The following ELMO1 variants were observed in gnomAD, a reference collection of about 807,000 sequenced individuals.
ELMO1 encodes the protein engulfment and cell motility 1.
A neutral mutation model predicts 98.9 loss-of-function variants in ELMO1; 26 were observed. That is an observed-to-expected ratio of 0.26 (90% CI 0.19 to 0.36). The LOEUF is 0.36. Ranked by LOEUF, ELMO1 falls within the 10% of genes least tolerant of loss-of-function variation. ELMO1 has a pLI of 1.00. For synonymous variants in ELMO1, 346 were observed against 346.0 expected, an observed-to-expected ratio of 1.00 and a Z score of 0.00; for missense variants, 627 against 935.2, an observed-to-expected ratio of 0.67 and a Z score of 4.30.
At chr7:37,082,706 G>A (rs527954214) in intron 15 of ELMO1, among the ~76,000 whole-genome samples, 4 of 150,980 alleles carry the variant, frequency 2.6e-5, no homozygotes, top group African/African-American at 4.9e-5. Context: ...ACTCCAGCCC[G>A]GGTGACCCTG....
chr7:36,881,146 G>C (rs1046708500), intron 18 of ELMO1, among the ~76,000 whole-genome samples: 1 of 152,290 alleles, frequency 6.6e-6, no homozygotes, highest in African/African-American at 2.4e-5. Context: ...TGGAAAAAGG[G>C]GCTGAAAACG....
intron 14 of ELMO1, among the ~76,000 whole-genome samples, chr7:37,107,168 A>G (rs1327866570): frequency 2.0e-5 from 3 of 152,212 alleles, no homozygotes; most frequent in Admixed American, 6.5e-5. Context: ...ACAAAAGTCC[A>G]TTTTGAGGGT....
At chr7:37,307,059 A>G (rs1262651196) in intron 4 of ELMO1, among the ~76,000 whole-genome samples, 3 of 152,208 alleles carry the variant, frequency 2.0e-5, no homozygotes, top group Non-Finnish European at 4.4e-5. Context: ...CTGTACCTTA[A>G]TTATCTTTCT....
intron 1 of ELMO1, among the ~76,000 whole-genome samples, chr7:37,355,222 A>C (rs1190654627): frequency 6.6e-6 from 1 of 152,196 alleles, no homozygotes; most frequent in African/African-American, 2.4e-5. Flanking sequence ...ATTACACAAC[A>C]TGTGACCCTC....
chr7:37,169,656 T>C (rs928610424), intron 13 of ELMO1, among the ~76,000 whole-genome samples: 2 of 152,240 alleles, frequency 1.3e-5, no homozygotes, highest in Non-Finnish European at 2.9e-5. Context: ...TTTTTCTTTT[T>C]ACATTTTCAC....
intron 4 of ELMO1, among the ~76,000 whole-genome samples, chr7:37,274,029 A>G (rs1796702913): frequency 6.6e-6 from 1 of 152,168 alleles, no homozygotes; most frequent in South Asian, 2.1e-4. Flanking sequence ...TCCAGGCCCT[A>G]TGTGTGCAAT....
intron 8 of ELMO1, among the ~76,000 whole-genome samples, chr7:37,227,221 A>G (rs572049688): frequency 6.6e-6 from 1 of 152,102 alleles, no homozygotes; most frequent in Non-Finnish European, 1.5e-5. Flanking sequence ...GGTCTAACTC[A>G]TTGCTGGGTT....
chr7:37,322,391 G>A (rs1162483503), intron 2 of ELMO1, among the ~76,000 whole-genome samples: 2 of 152,014 alleles, frequency 1.3e-5, no homozygotes, highest in South Asian at 4.2e-4. Context: ...CAAGGCAGAT[G>A]GATCACCTGA....
chr7:37,058,617 A>G (rs1444106271), intron 15 of ELMO1, among the ~76,000 whole-genome samples: 1 of 152,062 alleles, frequency 6.6e-6, no homozygotes, highest in African/African-American at 2.4e-5. Flanking sequence ...ACACCTTTTG[A>G]AGGTTCTATG....
At chr7:37,024,439 G>T (rs1794455604) in intron 15 of ELMO1, among the ~76,000 whole-genome samples, 2 of 152,206 alleles carry the variant, frequency 1.3e-5, no homozygotes, top group Non-Finnish European at 2.9e-5. Context: ...TCTGTTTAAT[G>T]AAATTAAAAT....
chr7:37,192,305 G>A (rs910931400), intron 13 of ELMO1, among the ~76,000 whole-genome samples: 2 of 151,950 alleles, frequency 1.3e-5, no homozygotes, highest in African/African-American at 4.8e-5. Flanking sequence ...GACCATCTTG[G>A]TCAACATGGT....
intron 6 of ELMO1, among the ~76,000 whole-genome samples, chr7:37,244,622 T>C (rs550361219): frequency 4.6e-5 from 7 of 152,192 alleles, no homozygotes; most frequent in Non-Finnish European, 8.8e-5. Context: ...CATTAACCAG[T>C]TGCATTTGCT....
chr7:37,409,995 T>C, intron 1 of ELMO1, among the ~76,000 whole-genome samples: 1 of 152,160 alleles, frequency 6.6e-6, no homozygotes, highest in Non-Finnish European at 1.5e-5. Flanking sequence ...AAGGTAATTA[T>C]CTCCCTCCTT....
intron 4 of ELMO1, among the ~76,000 whole-genome samples, chr7:37,279,086 C>T (rs186069221): frequency 3.9e-5 from 6 of 152,254 alleles, no homozygotes; most frequent in African/African-American, 1.2e-4. Context: ...CCTGTAATCC[C>T]AGCTACTCAG....
intron 13 of ELMO1, among the ~76,000 whole-genome samples, chr7:37,156,113 T>G (rs1393206544): frequency 6.6e-6 from 1 of 152,202 alleles, no homozygotes; most frequent in Non-Finnish European, 1.5e-5. Context: ...ATAAAGATGT[T>G]CTTTGAAACC....
At chr7:36,969,882 G>A (rs774533799) in intron 16 of ELMO1, among the ~76,000 whole-genome samples, 25 of 151,700 alleles carry the variant, frequency 1.6e-4, no homozygotes, top group African/African-American at 2.7e-4. Flanking sequence ...CCCTTTAGTC[G>A]CTTCCCTGTT....
intron 1 of ELMO1, among the ~76,000 whole-genome samples, chr7:37,360,385 A>T (rs911155152): frequency 2.6e-5 from 4 of 151,804 alleles, no homozygotes; most frequent in Non-Finnish European, 4.4e-5. Flanking sequence ...GGGAAGTAAC[A>T]CGGCTTAAAA....
At chr7:37,208,745 C>T (rs1276361670) in intron 13 of ELMO1, among the ~76,000 whole-genome samples, 3 of 152,126 alleles carry the variant, frequency 2.0e-5, no homozygotes, top group African/African-American at 7.2e-5. Context: ...ATCTGCTTGT[C>T]AAAAGTTACT....
chr7:37,429,882 A>T (rs1804861299), intron 1 of ELMO1: 1 of 152,240 alleles, frequency 6.6e-6, no homozygotes, highest in Admixed American at 6.5e-5. Flanking sequence ...CCTGGTGCAG[A>T]GTCTTTGTAT....
Sources: gnomAD v4.1 joint callset for allele counts (sites outside exome capture counted in the v4.1 genomes callset) on GRCh38, gnomAD v4.1.1 for gene constraint, MANE v1.5 for transcripts, NCBI Gene and HGNC (gene_info 2026-07-23, HGNC 2026-07-21) for gene names.